Variants in KCNMA1 observed in about 807,000 individuals in gnomAD.
KCNMA1 encodes the protein Calcium-activated potassium channel subunit alpha-1.
A neutral mutation model predicts 140.0 loss-of-function variants in KCNMA1; 29 were observed. The observed-to-expected ratio is 0.21, with a 90% CI of 0.15 to 0.28. KCNMA1 has a LOEUF of 0.28. KCNMA1 is among the 10% of genes least tolerant of loss of function. The pLI is 1.00. For missense variants in KCNMA1, 880 were observed against 1,602.2 expected (o/e 0.55, Z 7.70); for synonymous variants, 612 against 611.9 (o/e 1.00, Z 0.00).
chr10:77,315,984 A>G (rs1194941417), intron 2 of KCNMA1, among the ~76,000 whole-genome samples: 1 of 152,198 alleles, frequency 6.6e-6, no homozygotes, highest in Non-Finnish European at 1.5e-5. Flanking sequence ...GGCGCAAGAT[A>G]AACATCTATT....
intron 1 of KCNMA1, among the ~76,000 whole-genome samples, chr10:77,469,035 C>T (rs1334264359): frequency 2.6e-5 from 4 of 152,168 alleles, no homozygotes; most frequent in South Asian, 2.1e-4. Flanking sequence ...CCGACCACTT[C>T]GCCCCAAGCA....
intron 2 of KCNMA1, among the ~76,000 whole-genome samples, chr10:77,389,314 A>C (rs2095726978): frequency 6.6e-6 from 1 of 152,160 alleles, no homozygotes; most frequent in South Asian, 2.1e-4. Flanking sequence ...TGTTTCCTCG[A>C]TCCTCAGCCC....
intron 1 of KCNMA1, among the ~76,000 whole-genome samples, chr10:77,565,641 T>C (rs1302086220): frequency 6.6e-6 from 1 of 152,242 alleles, no homozygotes; most frequent in East Asian, 1.9e-4. Context: ...CTCTTCCACC[T>C]GTAAAATGAT....
intron 25 of KCNMA1, among the ~76,000 whole-genome samples, chr10:76,897,026 AC>A (rs1174329087): frequency 2.6e-5 from 4 of 151,542 alleles, no homozygotes; most frequent in African/African-American, 9.7e-5. Context: ...ACACACACAC[AC>A]ACACACACAC....
chr10:77,633,120 T>G (rs769904987), intron 1 of KCNMA1, among the ~76,000 whole-genome samples: 1 of 152,054 alleles, frequency 6.6e-6, no homozygotes, highest in Non-Finnish European at 1.5e-5. Context: ...ATCAAGACAA[T>G]CCTGGCCAAT....
chr10:77,469,372 C>T (rs973173121), intron 1 of KCNMA1, among the ~76,000 whole-genome samples: 3 of 152,198 alleles, frequency 2.0e-5, no homozygotes, highest in African/African-American at 7.2e-5. Flanking sequence ...CCACTCTGGA[C>T]AGTTTGCCTG....
At chr10:77,319,779 A>C (rs767605000) in intron 2 of KCNMA1, among the ~76,000 whole-genome samples, 1 of 152,234 alleles carries the variant, frequency 6.6e-6, no homozygotes, top group Non-Finnish European at 1.5e-5. Flanking sequence ...CTGGAAGCAA[A>C]GACCAAGAGG....
chr10:76,885,983 GA>G lies in KCNMA1; in HGVS notation c.*1282del. On this transcript the variant is annotated 3_prime_UTR_variant, in exon 28 of 28. Coordinates refer to ENST00000286628, the MANE Select transcript of KCNMA1 (RefSeq NM_001161352.2). Reference sequence around the variant, plus strand: ...CCCTGCCTAAATTGGCTACATTAAAGAAAGTGATGATGAGGAATTCCTTCCC... The same window carrying G: ...CCCTGCCTAAATTGGCTACATTAAAGAAGTGATGATGAGGAATTCCTTCCC... The G allele has an allele frequency of 1.2e-5, 12 of 985,448 alleles. No homozygotes were observed. The highest frequency in any genetic ancestry group is 1.4e-5 in the Non-Finnish European group (12 of 829,952). The allele number at this position is 985,448 out of a possible 1,614,324, so 61.0% of individuals were successfully genotyped here.
chr10:77,116,252 T>C (rs2097461570), intron 6 of KCNMA1, among the ~76,000 whole-genome samples: 1 of 152,176 alleles, frequency 6.6e-6, no homozygotes, highest in African/African-American at 2.4e-5. Flanking sequence ...TGAGTTCTAA[T>C]TCACATCGAT....
intron 3 of KCNMA1, among the ~76,000 whole-genome samples, chr10:77,222,367 TCTC>T: frequency 6.6e-6 from 1 of 152,154 alleles, no homozygotes. Context: ...AACCCTCTAT[TCTC>T]CTACTGTCTC....
intron 1 of KCNMA1, among the ~76,000 whole-genome samples, chr10:77,631,015 G>A (rs865938251): frequency 8.1e-5 from 12 of 148,758 alleles, no homozygotes; most frequent in African/African-American, 2.5e-4. Flanking sequence ...GCTGAGGCAA[G>A]AGGATCACTT....
At chr10:76,874,784 T>C (rs898209550), downstream of KCNMA1, 4 of 152,234 alleles carry the variant, frequency 2.6e-5, no homozygotes, top group African/African-American at 4.8e-5. Flanking sequence ...TGTTTTATAA[T>C]GGTTCAAGAT....
chr10:77,084,267 G>A (rs899070391), intron 12 of KCNMA1, among the ~76,000 whole-genome samples: 1 of 152,120 alleles, frequency 6.6e-6, no homozygotes, highest in Admixed American at 6.6e-5. Context: ...GTCCCCTGGG[G>A]GCATCTGCCT....
rs1391593295 is a variant in KCNMA1, at chr10:77,108,852, C to G, written c.1132-280G>C. Among the ~76,000 whole-genome samples the G allele has an allele frequency of 6.6e-6, 1 of 151,998 alleles. No homozygotes were observed. The highest frequency in any genetic ancestry group is 1.9e-4 in the East Asian group (1 of 5,178). On this transcript the variant is annotated intron_variant, in intron 8 of 27. Transcript: ENST00000286628. The surrounding 1 kb of genome is among the most constrained non-coding windows in gnomAD (Gnocchi z 4.6). ...GCGACAGGAATAAATAAGGTGATAT[C>G]TAGTTCTTCTTGCTGAAGAAAAATA...
chr10:76,915,782 A>T (rs1428828222), intron 23 of KCNMA1, among the ~76,000 whole-genome samples: 1 of 152,128 alleles, frequency 6.6e-6, no homozygotes, highest in Non-Finnish European at 1.5e-5. Context: ...GGCTTTCAGG[A>T]AGTGTTTCCT....
intron 9 of KCNMA1, among the ~76,000 whole-genome samples, chr10:77,101,879 A>T (rs549018697): frequency 9.8e-5 from 15 of 152,354 alleles, no homozygotes; most frequent in Non-Finnish European, 1.8e-4. Context: ...ACATGAAATC[A>T]TCTCAAATCC....
At chr10:77,271,409 C>T (rs1255102098) in intron 2 of KCNMA1, among the ~76,000 whole-genome samples, 4 of 152,128 alleles carry the variant, frequency 2.6e-5, no homozygotes, top group Non-Finnish European at 5.9e-5. Context: ...CATGGGTGCT[C>T]TCTCGTCTCA....
intron 1 of KCNMA1, among the ~76,000 whole-genome samples, chr10:77,623,417 T>G (rs2091881996): frequency 1.3e-5 from 2 of 152,060 alleles, no homozygotes; most frequent in African/African-American, 4.8e-5. Flanking sequence ...TTGGAACAGC[T>G]GGGTGCAGTG....
At chr10:77,068,193 G>A (rs1026672429) in intron 14 of KCNMA1, among the ~76,000 whole-genome samples, 3 of 152,170 alleles carry the variant, frequency 2.0e-5, no homozygotes, top group African/African-American at 7.2e-5. Flanking sequence ...TTTGGGTATG[G>A]TCATTGTGAG....
Sources: allele counts gnomAD v4.1 joint callset (sites outside exome capture counted in the v4.1 genomes callset), GRCh38; gene constraint gnomAD v4.1.1; non-coding constraint Gnocchi (gnomAD v3.1); transcripts MANE v1.5; gene names NCBI Gene and HGNC (gene_info 2026-07-23, HGNC 2026-07-21).